Variants in HDAC4 observed in about 807,000 individuals in gnomAD.
The protein encoded by HDAC4 is histone deacetylase 4.
Under a neutral mutation model 135.1 loss-of-function variants are expected in HDAC4, and 16 were observed. That is an observed-to-expected ratio of 0.12 (90% CI 0.08 to 0.18). HDAC4 has a LOEUF of 0.18. Ranked by LOEUF, HDAC4 falls within the 10% of genes least tolerant of loss-of-function variation. The pLI is 1.00. For synonymous variants in HDAC4, 685 were observed against 653.4 expected (o/e 1.05, Z -0.74); for missense variants, 1,143 against 1,511.8 (o/e 0.76, Z 4.05).
intron 16 of HDAC4, among the ~76,000 whole-genome samples, chr2:239,100,602 G>A (rs896452740): frequency 6.6e-6 from 1 of 152,120 alleles, no homozygotes; most frequent in Admixed American, 6.5e-5. Context: ...TTGGTTGTCC[G>A]CTCCTAAGGG....
At chr2:239,122,899 C>T (rs1330285248) in intron 12 of HDAC4, among the ~76,000 whole-genome samples, 1 of 152,182 alleles carries the variant, frequency 6.6e-6, no homozygotes. Flanking sequence ...TCACAGCTGC[C>T]AGAGCTGGGC....
chr2:239,314,141 T>A (rs1176614613), intron 2 of HDAC4, among the ~76,000 whole-genome samples: 1 of 152,168 alleles, frequency 6.6e-6, no homozygotes, highest in Admixed American at 6.5e-5. Context: ...AACACAGGCA[T>A]GTCCCAGGTG....
At chr2:239,341,838 G>T (rs879822897) in intron 2 of HDAC4, among the ~76,000 whole-genome samples, 1 of 152,176 alleles carries the variant, frequency 6.6e-6, no homozygotes, top group Non-Finnish European at 1.5e-5. Context: ...CAAAATTCAC[G>T]TGTTAAAATC....
intron 2 of HDAC4, among the ~76,000 whole-genome samples, chr2:239,350,426 A>G (rs1313839393): frequency 6.6e-6 from 1 of 152,164 alleles, no homozygotes; most frequent in East Asian, 1.9e-4. Context: ...AAATAACTCA[A>G]CTGAGTTAAT....
At chr2:239,369,637 C>T (rs1305297806) in intron 1 of HDAC4, among the ~76,000 whole-genome samples, 4 of 152,186 alleles carry the variant, frequency 2.6e-5, no homozygotes, top group East Asian at 1.9e-4. Context: ...CTCATTTCCG[C>T]GTACACGGTG....
intron 3 of HDAC4, among the ~76,000 whole-genome samples, chr2:239,206,327 C>T (rs556132220): frequency 6.7e-6 from 1 of 149,752 alleles, no homozygotes; most frequent in Non-Finnish European, 1.5e-5. Flanking sequence ...AAACCTGCCT[C>T]AAAAAAAAAG....
At chr2:239,133,127 T>C (rs992540460) in intron 11 of HDAC4, among the ~76,000 whole-genome samples, 5 of 152,306 alleles carry the variant, frequency 3.3e-5, no homozygotes, top group African/African-American at 1.2e-4. Flanking sequence ...ATTGCGCCAT[T>C]TGGCTTCTGG....
At chr2:239,272,541 T>C (rs1005671756) in intron 2 of HDAC4, among the ~76,000 whole-genome samples, 6 of 152,214 alleles carry the variant, frequency 3.9e-5, no homozygotes, top group African/African-American at 1.4e-4. Context: ...CAATGGCCCA[T>C]GAGCATGTGA....
intron 11 of HDAC4, among the ~76,000 whole-genome samples, chr2:239,127,999 C>T (rs2040313529): frequency 6.6e-6 from 1 of 152,206 alleles, no homozygotes. Flanking sequence ...TATGCAAACA[C>T]AAAGGACACA....
intron 2 of HDAC4, among the ~76,000 whole-genome samples, chr2:239,341,319 G>A (rs556594818): frequency 5.9e-5 from 9 of 152,264 alleles, no homozygotes; most frequent in Non-Finnish European, 1.3e-4. Flanking sequence ...CAAAGACAGG[G>A]CCAGGCAGCA....
chr2:239,067,281 C>T (rs74430364), intron 23 of HDAC4, among the ~76,000 whole-genome samples: 2,135 of 152,284 alleles, frequency 0.014, 14 homozygotes, highest in Non-Finnish European at 0.022. Context: ...CGTTCTCCCA[C>T]GTCCAGGTCT....
At chr2:239,305,700 G>T (rs1355941209) in intron 2 of HDAC4, among the ~76,000 whole-genome samples, 1 of 152,208 alleles carries the variant, frequency 6.6e-6, no homozygotes. Context: ...TGACGGTGCG[G>T]CTTAGTTTCA....
intron 1 of HDAC4, among the ~76,000 whole-genome samples, chr2:239,383,047 A>G (rs1209136127): frequency 6.6e-6 from 1 of 152,176 alleles, no homozygotes; most frequent in Non-Finnish European, 1.5e-5. Flanking sequence ...ACTCAAGTGA[A>G]GTGTTCATTT....
At chr2:239,300,832 A>T (rs541827983) in intron 2 of HDAC4, among the ~76,000 whole-genome samples, 48 of 152,340 alleles carry the variant, frequency 3.2e-4, no homozygotes, top group African/African-American at 1.1e-3. Context: ...GGGAGAAGTG[A>T]AAGAGAAGGG....
chr2:239,277,452 G>C (rs993034833), intron 2 of HDAC4, among the ~76,000 whole-genome samples: 2 of 152,226 alleles, frequency 1.3e-5, no homozygotes. Context: ...AGTACGGGCC[G>C]GTCAGCAGGA....
chr2:239,124,712 C>G (rs1182370198), intron 12 of HDAC4, among the ~76,000 whole-genome samples: 1 of 103,214 alleles, frequency 9.7e-6, no homozygotes, highest in Non-Finnish European at 2.0e-5. Context: ...TGTTATGTGA[C>G]ATTCTGGTGT....
chr2:239,184,754 GT>G (rs2044415957), intron 4 of HDAC4, among the ~76,000 whole-genome samples: 2 of 78,338 alleles, frequency 2.6e-5, no homozygotes, highest in African/African-American at 4.3e-5. Context: ...GTGTCCTATG[GT>G]GGGGGGTCCC....
In HDAC4 at chr2:239,081,180, G is replaced by A. The variant is rs772312331; in HGVS notation, c.2665C>T (p.Pro889Ser). 6.2e-7 allele frequency: 1 copy of A among 1,613,262 alleles called. No individual in the cohort carries two copies. Among genetic ancestry groups the A allele is most frequent in the African/African-American group, 1.3e-5 (1 of 75,060 alleles). ...SGAPDEVGTG[P>S]GVGFNVNMAF... ...ATGTTGACGTTGAAACCCACGCCGG[G>A]CCCTGTGCCCACCTGTGGCCAGAAG... Residue 889 changes from proline to serine, a missense_variant, in exon 22 of 27, where the codon CCC becomes TCC. Transcript: ENST00000543185.
intron 1 of HDAC4, among the ~76,000 whole-genome samples, chr2:239,353,570 A>T (rs1675742079): frequency 6.6e-6 from 1 of 152,188 alleles, no homozygotes; most frequent in African/African-American, 2.4e-5. Context: ...TGCCAGCAGC[A>T]TCTTCCAGGT....
Sources: gnomAD v4.1 joint callset for allele counts (sites outside exome capture counted in the v4.1 genomes callset) on GRCh38, gnomAD v4.1.1 for gene constraint, MANE v1.5 for transcripts, NCBI Gene and HGNC (gene_info 2026-07-23, HGNC 2026-07-21) for gene names.